TRIP11: variants seen among roughly 807,000 people sequenced by gnomAD.
TRIP11 encodes the protein thyroid receptor-interacting protein 11.
A neutral mutation model predicts 223.1 loss-of-function variants in TRIP11; 148 were observed. The ratio of observed to expected loss-of-function variants is 0.66; its 90% confidence interval spans 0.58 to 0.76. The LOEUF (loss-of-function observed/expected upper bound fraction) is 0.76, where lower values mean the gene tolerates loss of function less well. TRIP11 is among the 30% of genes least tolerant of loss of function. The pLI, the probability that TRIP11 is intolerant of heterozygous loss-of-function variation, is 0.00. For synonymous variants in TRIP11, 762 were observed against 772.6 expected, an observed-to-expected ratio of 0.99 and a Z score of 0.23; for missense variants, 2,043 against 2,222.0, an observed-to-expected ratio of 0.92 and a Z score of 1.62.
Position 91,988,264 on chromosome 14 carries a change from A to G in TRIP11, c.5260+20T>C, listed in dbSNP as rs375138196. 2 of 1,587,566 alleles carry G rather than the reference A, an allele frequency of 1.3e-6. No homozygotes were observed. The highest frequency in any genetic ancestry group is 1.7e-6 in the Non-Finnish European group (2 of 1,159,740). The stretch of plus-strand genomic sequence containing the variant: ...ATATCAGTATTGTAGTGGGGGAAAA[A>G]TGAAAAGAAAAAAACCTACTTTGTC... On this transcript the variant is annotated intron_variant, in intron 16 of 20. Transcript: ENST00000267622.
At chr14:91,992,020 G>A (rs545261182) in intron 15 of TRIP11, among the ~76,000 whole-genome samples, 4 of 128,306 alleles carry the variant, frequency 3.1e-5, no homozygotes, top group Non-Finnish European at 4.7e-5. Flanking sequence ...GGCAAAGGTT[G>A]TAGTGAGCTG....
intron 2 of TRIP11, among the ~76,000 whole-genome samples, chr14:92,028,068 C>T (rs192978223): frequency 2.6e-5 from 4 of 152,322 alleles, no homozygotes; most frequent in Admixed American, 2.6e-4. Flanking sequence ...ATATGAAAAA[C>T]ACCATACATA....
chr14:92,002,695 G>C (rs2056842138), intron 11 of TRIP11, among the ~76,000 whole-genome samples: 2 of 151,626 alleles, frequency 1.3e-5, no homozygotes, highest in African/African-American at 4.9e-5. Context: ...TCCTGCCTCA[G>C]CCTCCCAAGT....
At chr14:92,016,778 C>T (rs1028605632) in intron 5 of TRIP11, among the ~76,000 whole-genome samples, 8 of 152,028 alleles carry the variant, frequency 5.3e-5, no homozygotes, top group Non-Finnish European at 8.8e-5. Context: ...GTAACTTGCC[C>T]GAGATTAGCA....
At chr14:92,006,830 G>A (rs1308878150) in intron 10 of TRIP11, among the ~76,000 whole-genome samples, 5 of 151,770 alleles carry the variant, frequency 3.3e-5, no homozygotes, top group Non-Finnish European at 5.9e-5. Context: ...CACCACACCC[G>A]GCTAATTTTG....
At chr14:92,012,958 G>A (rs112166797) in intron 7 of TRIP11, among the ~76,000 whole-genome samples, 1,727 of 152,246 alleles carry the variant, frequency 0.011, 30 homozygotes, top group South Asian at 0.036. Flanking sequence ...GAATCATGGA[G>A]AACAGAGAAT....
chr14:91,980,456 G>A lies in TRIP11; in HGVS notation c.5261-4267C>T, dbSNP rs74404305. On this transcript the variant is annotated intron_variant, in intron 16 of 20. Coordinates refer to ENST00000267622, the MANE Select transcript of TRIP11 (RefSeq NM_004239.4). ...ATATGAATCATGGTCCTATCACCAG[G>A]GCCAGACTTTGTTGCCTATTTTGTA... Among the ~76,000 whole-genome samples the A allele has an allele frequency of 2.8e-3, 427 of 152,200 alleles. 2 individuals are homozygous for A. The highest frequency in any genetic ancestry group is 1.0e-2 in the African/African-American group (415 of 41,526).
chr14:92,007,726 G>A lies in TRIP11; in HGVS notation c.1441C>T (p.Gln481Ter). The change falls in exon 10 of 21, where the codon CAA (glutamine) becomes TAA (stop). Residue 481 changes from glutamine (Q) to a stop codon, truncating the protein, a stop_gained. Transcript: ENST00000267622. LOFTEE classifies it high-confidence loss of function. The stretch of plus-strand genomic sequence containing the variant: ...TCACTAATACTCTGATTGAGTTCTT[G>A]TTCCTTTGCCTCCAAATTAAGTCTT... The part of the protein sequence containing the change: ...DLRLNLEAKE[Q>*]ELNQSISEKE... 1 of 1,613,662 alleles carries A rather than the reference G, an allele frequency of 6.2e-7. No homozygotes were observed. Among genetic ancestry groups the A allele is most frequent in the Non-Finnish European group, 8.5e-7 (1 of 1,179,950 alleles).
intron 16 of TRIP11, among the ~76,000 whole-genome samples, chr14:91,976,931 C>G (rs1460654974): frequency 6.6e-6 from 1 of 152,142 alleles, no homozygotes; most frequent in Admixed American, 6.5e-5. Context: ...TGCCACAGGG[C>G]AAGGATTTCT....
chr14:92,006,902 G>A (rs557593995), intron 10 of TRIP11, among the ~76,000 whole-genome samples: 4 of 152,160 alleles, frequency 2.6e-5, no homozygotes, highest in African/African-American at 9.6e-5. Flanking sequence ...TTCCAACCTC[G>A]GGTGATCTGC....
rs1036209583 is a variant in TRIP11, at chr14:92,005,913, T to G, written c.2063A>C (p.Asp688Ala). 2.5e-6 allele frequency: 4 copies of G among 1,613,872 alleles called. No homozygotes were observed. In the African/African-American group the frequency reaches 4.0e-5, roughly 16 times the overall value. The change falls in exon 11 of 21, where the codon GAT (aspartate) becomes GCT (alanine). Residue 688 changes from aspartate (D) to alanine (A), a missense_variant. By Grantham distance (126) the Asp-to-Ala change is moderately radical (BLOSUM62 -2). Coordinates refer to ENST00000267622, the MANE Select transcript of TRIP11 (RefSeq NM_004239.4). Reference protein sequence around the residue: ...ENEKLVLACEDVRHQLEECLA... With the variant: ...ENEKLVLACEAVRHQLEECLA... Reference sequence around the variant, plus strand: ...ACATTCTTCTAACTGATGCCTCACATCTTCACATGCTAAAACTAACTTTTC... The same window carrying G: ...ACATTCTTCTAACTGATGCCTCACAGCTTCACATGCTAAAACTAACTTTTC...
At chr14:91,977,789 A>G (rs2056486713) in intron 16 of TRIP11, among the ~76,000 whole-genome samples, 1 of 152,104 alleles carries the variant, frequency 6.6e-6, no homozygotes, top group African/African-American at 2.4e-5. Context: ...ACAATGCCCA[A>G]AATTCCGATT....
In TRIP11 at chr14:92,033,191, C is replaced by G; in HGVS notation, c.201+1G>C. 1 of 1,612,374 alleles carries G rather than the reference C, an allele frequency of 6.2e-7. No individual in the cohort carries two copies. The highest frequency in any genetic ancestry group is 8.5e-7 in the Non-Finnish European group (1 of 1,178,856). ...TCTAAGTAGTCTTTGATTTTTCTTACCTCTGATCTCAAGATTGCATGAATG... is the reference window on the plus strand; with the variant it reads ...TCTAAGTAGTCTTTGATTTTTCTTAGCTCTGATCTCAAGATTGCATGAATG... On this transcript the variant is annotated splice_donor_variant, in intron 2 of 20. Coordinates refer to ENST00000267622, the MANE Select transcript of TRIP11 (RefSeq NM_004239.4). LOFTEE classifies it high-confidence loss of function.
chr14:92,014,751 C>A (rs2057015006), intron 6 of TRIP11, among the ~76,000 whole-genome samples, 174 bp from the exon 7 acceptor site: 1 of 152,116 alleles, frequency 6.6e-6, no homozygotes, highest in Non-Finnish European at 1.5e-5. Context: ...ATATTTGAAT[C>A]AACTACATAA....
chr14:91,997,993 C>T (rs903384198), intron 13 of TRIP11, among the ~76,000 whole-genome samples: 2 of 152,152 alleles, frequency 1.3e-5, no homozygotes, highest in African/African-American at 4.8e-5. Context: ...AATGATCACT[C>T]ATTGTTTTAA....
At chr14:91,996,639 T>C (rs1441127443) in intron 13 of TRIP11, among the ~76,000 whole-genome samples, 1 of 152,220 alleles carries the variant, frequency 6.6e-6, no homozygotes, top group Non-Finnish European at 1.5e-5. Flanking sequence ...ATAAAATGTT[T>C]TGTAAGGAAC....
rs1302573345 is a variant in TRIP11, at chr14:92,003,959, A to C, written c.4017T>G (p.Ser1339Arg). 2 of 1,614,168 alleles carry C rather than the reference A, an allele frequency of 1.2e-6. No homozygotes were observed. The highest frequency in any genetic ancestry group is 1.7e-6 in the Non-Finnish European group (2 of 1,180,038). Residue 1339 changes from serine (S) to arginine (R), a missense_variant, in exon 11 of 21, where the codon AGT (serine) becomes AGG (arginine). Coordinates refer to ENST00000267622, the MANE Select transcript of TRIP11 (RefSeq NM_004239.4). ...CTTGCTGAAGCAATTCAGAAGATTCACTCAATACTTCAGACTTACTTGCTC... is the reference window on the plus strand; with the variant it reads ...CTTGCTGAAGCAATTCAGAAGATTCCCTCAATACTTCAGACTTACTTGCTC... ...CLRASKSEVL[S>R]ESSELLQQEL...
intron 13 of TRIP11, 104 bp from the exon 14 acceptor site, chr14:91,995,619 CTTT>C (rs34736578): frequency 1.4e-3 from 1,281 of 908,836 alleles, no homozygotes; most frequent in Middle Eastern, 1.6e-3. Flanking sequence ...TATTTTATTT[CTTT>C]TTTTTTTTTT....
At chr14:91,977,719 A>G (rs1347235830) in intron 16 of TRIP11, among the ~76,000 whole-genome samples, 1 of 150,632 alleles carries the variant, frequency 6.6e-6, no homozygotes, top group African/African-American at 2.5e-5. Flanking sequence ...TTTGAGCCTT[A>G]CAGATTAGGC....
Sources: gnomAD v4.1 joint callset for allele counts (sites outside exome capture counted in the v4.1 genomes callset) on GRCh38, gnomAD v4.1.1 for gene constraint, MANE v1.5 for transcripts, NCBI Gene and HGNC (gene_info 2026-07-23, HGNC 2026-07-21) for gene names.